SLC16A12: variants seen among roughly 807,000 people sequenced by gnomAD.
SLC16A12 encodes monocarboxylate transporter 12.
A neutral mutation model predicts 42.4 loss-of-function variants in SLC16A12; 17 were observed. That is an observed-to-expected ratio of 0.40 (90% confidence interval 0.27 to 0.60). SLC16A12 has a LOEUF of 0.60. Among genes scored for constraint, SLC16A12 ranks in the 20% least tolerant of loss-of-function variants. The pLI, the probability that SLC16A12 is intolerant of heterozygous loss-of-function variation, is 0.42. For missense variants in SLC16A12, 544 were observed against 623.0 expected, an observed-to-expected ratio of 0.87 and a Z score of 1.35; for synonymous variants, 224 against 229.4, an observed-to-expected ratio of 0.98 and a Z score of 0.21.
chr10:89,535,755 C>T (rs1432261206), upstream of SLC16A12, among the ~76,000 whole-genome samples: 1 of 152,048 alleles, frequency 6.6e-6, no homozygotes, highest in East Asian at 1.9e-4. Flanking sequence ...CGAGCCGCGT[C>T]CCTGCGCAGT....
chr10:89,439,008 G>C lies in SLC16A12; in HGVS notation c.624C>G (p.Leu208=), dbSNP rs1482652475. 2 of 1,614,146 alleles carry C rather than the reference G, an allele frequency of 1.2e-6. No homozygotes were observed. Among genetic ancestry groups the C allele is most frequent in the Non-Finnish European group, 1.7e-6 (2 of 1,180,020 alleles). The change falls in exon 6 of 8, where the codon CTC becomes CTG. Residue 208 remains leucine, a synonymous_variant. Transcript: ENST00000371790. ...GATTCAAGACAAAGCCCCCAAGAAT[G>C]AGTAAGGCTCCCCGCCAGGAAAACT... ...IEQFSWRGAL[L]ILGGFVLNLC...
At chr10:89,468,592 G>A (rs939537789) in intron 2 of SLC16A12, among the ~76,000 whole-genome samples, 14 of 152,196 alleles carry the variant, frequency 9.2e-5, no homozygotes, top group African/African-American at 2.9e-4. Flanking sequence ...GGGAGAAGCC[G>A]ACAAGGTTAT....
chr10:89,437,257 G>T (rs1298266789), intron 6 of SLC16A12, among the ~76,000 whole-genome samples: 1 of 152,174 alleles, frequency 6.6e-6, no homozygotes, highest in Non-Finnish European at 1.5e-5. Context: ...CTCCCAAGTG[G>T]TATTCCCATT....
At chr10:89,481,059 T>A (rs1039463728) in intron 2 of SLC16A12, among the ~76,000 whole-genome samples, 17 of 152,270 alleles carry the variant, frequency 1.1e-4, no homozygotes, top group African/African-American at 4.1e-4. Context: ...CCTCTATAAA[T>A]GACAGCTCTG....
chr10:89,436,914 A>AGGAAAGAAAGAAAGAAAGAAAG (rs1554825781), intron 6 of SLC16A12, among the ~76,000 whole-genome samples: 1 of 136,462 alleles, frequency 7.3e-6, no homozygotes, highest in Admixed American at 7.2e-5. Context: ...GAAAGAAAGA[A>AGGAAAGAAAGAAAGAAAGAAAG]AAAGAAAGAG....
In SLC16A12 at chr10:89,433,012, TG is replaced by T; in HGVS notation, c.*51del. The T allele has an allele frequency of 6.2e-7, 1 of 1,602,954 alleles. No individual in the cohort carries two copies. Among genetic ancestry groups the T allele is most frequent in the Middle Eastern group, 1.9e-4 (1 of 5,310 alleles). On this transcript the variant is annotated 3_prime_UTR_variant, in exon 8 of 8. Transcript: ENST00000371790. ...AAAAGTTTCAGAAACATGAAGAATC[TG>T]GTGGCCCCACCTCTCTCAAACCTGA...
chr10:89,479,010 G>A (rs1336230595), intron 2 of SLC16A12, among the ~76,000 whole-genome samples: 1 of 152,134 alleles, frequency 6.6e-6, no homozygotes, highest in Non-Finnish European at 1.5e-5. Flanking sequence ...GGCTTGTTCA[G>A]CCCTGACTCT....
intron 2 of SLC16A12, among the ~76,000 whole-genome samples, chr10:89,545,184 G>A (rs1843735865): frequency 6.6e-6 from 1 of 152,166 alleles, no homozygotes; most frequent in South Asian, 2.1e-4. Context: ...GCACAAGTGA[G>A]CCTACTGAGA....
intron 2 of SLC16A12, among the ~76,000 whole-genome samples, chr10:89,511,781 G>T (rs1365657955): frequency 6.6e-6 from 1 of 151,986 alleles, no homozygotes; most frequent in Non-Finnish European, 1.5e-5. Context: ...AAACAGAATT[G>T]CCATACAATC....
chr10:89,452,633 T>C (rs1434000622), intron 3 of SLC16A12, among the ~76,000 whole-genome samples: 2 of 152,172 alleles, frequency 1.3e-5, no homozygotes, highest in Non-Finnish European at 2.9e-5. Flanking sequence ...TTGTTGATCC[T>C]TGTGGTAGGA....
chr10:89,516,610 A>G (rs1785329178), intron 2 of SLC16A12, among the ~76,000 whole-genome samples: 1 of 152,228 alleles, frequency 6.6e-6, no homozygotes, highest in African/African-American at 2.4e-5. Flanking sequence ...ATTTTAGCTC[A>G]GTTCCTAGGC....
chr10:89,540,291 G>A (rs1843707633), upstream of SLC16A12, among the ~76,000 whole-genome samples: 2 of 152,056 alleles, frequency 1.3e-5, no homozygotes, highest in Admixed American at 6.6e-5. Flanking sequence ...TAGGGACAGA[G>A]TTTTGCCATG....
intron 2 of SLC16A12, among the ~76,000 whole-genome samples, chr10:89,489,557 G>C (rs1226576041): frequency 6.6e-6 from 1 of 152,028 alleles, no homozygotes; most frequent in Admixed American, 6.6e-5. Flanking sequence ...ACCCAGGCTG[G>C]TGTTCAACGT....
chr10:89,526,333 C>T (rs941773056), intron 2 of SLC16A12, among the ~76,000 whole-genome samples: 3 of 152,208 alleles, frequency 2.0e-5, no homozygotes, highest in Non-Finnish European at 4.4e-5. Context: ...CATCTCACCC[C>T]TCTCTAGAAA....
intron 2 of SLC16A12, among the ~76,000 whole-genome samples, chr10:89,532,889 A>T (rs190132647): frequency 6.6e-6 from 1 of 152,370 alleles, no homozygotes; most frequent in Non-Finnish European, 1.5e-5. Flanking sequence ...CTTCATAAAT[A>T]AATAAAAAGC....
At chr10:89,439,948 A>C (rs499430) in intron 5 of SLC16A12, among the ~76,000 whole-genome samples, 1 of 151,610 alleles carries the variant, frequency 6.6e-6, no homozygotes, top group African/African-American at 2.4e-5. Flanking sequence ...GGTGGCATGC[A>C]CCTGTAGTCT....
chr10:89,532,245 T>C (rs562218250), intron 2 of SLC16A12, among the ~76,000 whole-genome samples: 26 of 152,164 alleles, frequency 1.7e-4, no homozygotes, highest in African/African-American at 6.3e-4. Context: ...GCGCGGTAAA[T>C]GAAGGAAGGA....
intron 2 of SLC16A12, among the ~76,000 whole-genome samples, chr10:89,549,463 C>G (rs561261939): frequency 6.6e-6 from 1 of 152,078 alleles, no homozygotes; most frequent in Non-Finnish European, 1.5e-5. Context: ...ACAATTCATC[C>G]TAACAACAGG....
intron 3 of SLC16A12, among the ~76,000 whole-genome samples, chr10:89,451,061 G>A (rs932285091): frequency 2.6e-5 from 4 of 152,202 alleles, no homozygotes; most frequent in Non-Finnish European, 5.9e-5. Context: ...TTAGCATGGC[G>A]TCCTCATTCA....
Sources: gnomAD v4.1 joint callset for allele counts (sites outside exome capture counted in the v4.1 genomes callset) on GRCh38, gnomAD v4.1.1 for gene constraint, MANE v1.5 for transcripts, NCBI Gene and HGNC (gene_info 2026-07-23, HGNC 2026-07-21) for gene names.